Variants in FHOD3 observed in about 807,000 individuals in gnomAD.
FHOD3 encodes the protein FH1/FH2 domain-containing protein 3.
Under a neutral mutation model 173.0 loss-of-function variants are expected in FHOD3, and 90 were observed. That is an observed-to-expected ratio of 0.52 (90% CI 0.44 to 0.62). The LOEUF (loss-of-function observed/expected upper bound fraction) is 0.62, where lower values mean the gene tolerates loss of function less well. Among genes scored for constraint, FHOD3 ranks in the 20% least tolerant of loss-of-function variants. The pLI is 0.00. For synonymous variants in FHOD3, 828 were observed against 823.0 expected, an observed-to-expected ratio of 1.01 and a Z score of -0.10; for missense variants, 1,945 against 2,034.7, an observed-to-expected ratio of 0.96 and a Z score of 0.85.
At chr18:36,516,980 C>T (rs1331334920) in intron 5 of FHOD3, among the ~76,000 whole-genome samples, 1 of 151,084 alleles carries the variant, frequency 6.6e-6, no homozygotes, top group African/African-American at 2.4e-5. Flanking sequence ...TACACAGCCC[C>T]CTCTCAGCAT....
chr18:36,322,167 T>A (rs1259256775), intron 1 of FHOD3, among the ~76,000 whole-genome samples: 1 of 151,460 alleles, frequency 6.6e-6, no homozygotes, highest in Non-Finnish European at 1.5e-5. Flanking sequence ...GAAATTGGAG[T>A]AGAGGGATGA....
At chr18:36,582,416 C>T (rs933549637) in intron 6 of FHOD3, among the ~76,000 whole-genome samples, 3 of 152,206 alleles carry the variant, frequency 2.0e-5, no homozygotes, top group Non-Finnish European at 4.4e-5. Context: ...CATCATCAGT[C>T]CCATTCCTCA....
At chr18:36,576,274 G>A (rs559365288) in intron 5 of FHOD3, among the ~76,000 whole-genome samples, 177 bp from the exon 6 acceptor site, 8 of 152,282 alleles carry the variant, frequency 5.3e-5, no homozygotes, top group African/African-American at 1.7e-4. Flanking sequence ...TCTAGTGTTC[G>A]ACACTTTCTC....
intron 27 of FHOD3, among the ~76,000 whole-genome samples, chr18:36,768,979 T>C (rs371030718): frequency 3.9e-5 from 6 of 152,064 alleles, no homozygotes; most frequent in African/African-American, 1.5e-4. Context: ...AGTTAAATAA[T>C]AATGAGAGAC....
intron 4 of FHOD3, among the ~76,000 whole-genome samples, chr18:36,506,928 T>C (rs899959663): frequency 1.3e-5 from 2 of 152,172 alleles, no homozygotes; most frequent in African/African-American, 4.8e-5. Context: ...TCAACTACTT[T>C]TGATGTTTAT....
At chr18:36,633,087 G>A (rs2148882976) in intron 10 of FHOD3, among the ~76,000 whole-genome samples, 1 of 152,342 alleles carries the variant, frequency 6.6e-6, no homozygotes, top group African/African-American at 2.4e-5. Flanking sequence ...GCACTTGGGA[G>A]GGGCTGCGTG....
At chr18:36,439,402 T>G (rs2050996622) in intron 3 of FHOD3, among the ~76,000 whole-genome samples, 1 of 152,172 alleles carries the variant, frequency 6.6e-6, no homozygotes, top group African/African-American at 2.4e-5. Flanking sequence ...AGTCAATGAC[T>G]ATTTGGGTAA....
At chr18:36,338,310 C>T in intron 1 of FHOD3, among the ~76,000 whole-genome samples, 1 of 152,146 alleles carries the variant, frequency 6.6e-6, no homozygotes, top group East Asian at 1.9e-4. Context: ...GAATGGAGGG[C>T]AGTACTGCTC....
intron 5 of FHOD3, among the ~76,000 whole-genome samples, chr18:36,540,085 AG>A (rs2057147566): frequency 6.6e-6 from 1 of 152,226 alleles, no homozygotes; most frequent in African/African-American, 2.4e-5. Flanking sequence ...GACACACATA[AG>A]AAATGCAGGC....
intron 3 of FHOD3, among the ~76,000 whole-genome samples, chr18:36,395,163 T>C (rs201368775): frequency 6.7e-6 from 1 of 150,090 alleles, no homozygotes; most frequent in Non-Finnish European, 1.5e-5. Flanking sequence ...TTTTTTTTTT[T>C]CTTTTTTTGT....
intron 3 of FHOD3, among the ~76,000 whole-genome samples, chr18:36,418,079 T>G (rs1362273995): frequency 1.3e-5 from 2 of 152,254 alleles, no homozygotes; most frequent in African/African-American, 4.8e-5. Context: ...GTTTGGTTTT[T>G]GCGGCAAAAA....
rs533174106 is a variant in FHOD3 at position 36,599,340 on chromosome 18, A to T, written c.719-3334A>T. 3.9e-5 allele frequency among the ~76,000 whole-genome samples: 6 copies of T among 152,364 alleles called. No individual in the cohort carries two copies. The South Asian group carries it at 1.2e-3, about 32-fold the overall frequency. On this transcript the variant is annotated intron_variant, in intron 7 of 28. Coordinates refer to ENST00000590592, the MANE Select transcript of FHOD3 (RefSeq NM_001281740.3). ...ATTTTTCATTTGATAATTCTTAAAC[A>T]TAAGAATTCCTGCTATCACGCATGA...
intron 5 of FHOD3, among the ~76,000 whole-genome samples, chr18:36,542,123 A>G (rs549988576): frequency 6.6e-6 from 1 of 152,324 alleles, no homozygotes; most frequent in East Asian, 1.9e-4. Flanking sequence ...AGCTATGTAT[A>G]ATGTAGATGA....
intron 3 of FHOD3, among the ~76,000 whole-genome samples, chr18:36,419,815 C>T (rs536964205): frequency 4.1e-4 from 62 of 152,294 alleles, no homozygotes; most frequent in Non-Finnish European, 6.9e-4. Flanking sequence ...GAAGGAAGTG[C>T]GCTCTCTTTT....
intron 3 of FHOD3, among the ~76,000 whole-genome samples, chr18:36,481,593 T>TGGACAGATACCAC (rs1167267514): frequency 4.6e-5 from 7 of 152,264 alleles, no homozygotes; most frequent in South Asian, 2.1e-4. Context: ...GTTGGTACCA[T>TGGACAGATACCAC]GGACAGATAC....
At chr18:36,742,888 C>A in intron 22 of FHOD3, 32 bp downstream of exon 22, 1 of 1,594,770 alleles carries the variant, frequency 6.3e-7, no homozygotes, top group Non-Finnish European at 8.5e-7. Flanking sequence ...TCCTGTAGCC[C>A]CCCCTTGTCA....
At chr18:36,510,007 C>T (rs60677127) in intron 4 of FHOD3, among the ~76,000 whole-genome samples, 52,021 of 152,062 alleles carry the variant, frequency 0.34, 9,841 homozygotes, top group Non-Finnish European at 0.43. Context: ...ACACAGGCAG[C>T]GGTGCTGTCT....
At chr18:36,769,931 AT>A (rs2043303856) in intron 28 of FHOD3, among the ~76,000 whole-genome samples, 1 of 152,154 alleles carries the variant, frequency 6.6e-6, no homozygotes, top group Non-Finnish European at 1.5e-5. Context: ...TGCTTGAAAT[AT>A]TTAACGTGGC....
chr18:36,311,874 C>T (rs2092266167), intron 1 of FHOD3, among the ~76,000 whole-genome samples: 5 of 152,182 alleles, frequency 3.3e-5, no homozygotes, highest in Admixed American at 2.6e-4. Flanking sequence ...AGCCCTTTTC[C>T]ACTGTGTCTT....
Sources: allele counts gnomAD v4.1 joint callset (sites outside exome capture counted in the v4.1 genomes callset), GRCh38; gene constraint gnomAD v4.1.1; transcripts MANE v1.5; gene names NCBI Gene and HGNC (gene_info 2026-07-23, HGNC 2026-07-21).